Variants in PPFIA2 observed in about 807,000 individuals in gnomAD.
PPFIA2 encodes the protein liprin-alpha-2.
PPFIA2 carries 46 observed loss-of-function variants against 175.5 expected under a neutral mutation model. That is an observed-to-expected ratio of 0.26 (90% confidence interval 0.21 to 0.34). The LOEUF (loss-of-function observed/expected upper bound fraction) is 0.34. PPFIA2 is among the 10% of genes least tolerant of loss of function. The pLI is 1.00. For missense variants in PPFIA2, 1,179 were observed against 1,506.1 expected, an observed-to-expected ratio of 0.78 and a Z score of 3.60; for synonymous variants, 568 against 511.4, an observed-to-expected ratio of 1.11 and a Z score of -1.49.
rs149149703 is a variant in PPFIA2, at chr12:81,324,185, T to G, written c.2642+1592A>C. Among the ~76,000 whole-genome samples, 548 of 152,194 alleles carry G rather than the reference T, an allele frequency of 3.6e-3. 8 individuals are homozygous for G. The highest frequency in any genetic ancestry group is 0.012 in the African/African-American group (519 of 41,574). On this transcript the variant is annotated intron_variant, in intron 22 of 32. Transcript: ENST00000549396. The stretch of plus-strand genomic sequence containing the variant: ...TTTTTCTGACTGTGAGGGTACTTAG[T>G]AGTTGAGAAACGAGTCTATAAAATT...
chr12:81,358,717 C>T (rs1462282923), intron 15 of PPFIA2, among the ~76,000 whole-genome samples: 4 of 151,988 alleles, frequency 2.6e-5, no homozygotes, highest in Non-Finnish European at 5.9e-5. Context: ...GTCTATTTTT[C>T]ACATTCTATT....
intron 22 of PPFIA2, among the ~76,000 whole-genome samples, chr12:81,308,073 T>A (rs1319821455): frequency 6.6e-6 from 1 of 152,204 alleles, no homozygotes; most frequent in East Asian, 1.9e-4. Flanking sequence ...ATACTTTCAC[T>A]TAAAATTTAA....
rs1454212358 is a variant in PPFIA2 at position 81,600,485 on chromosome 12, ATAACTC to A, written c.303+76300_303+76305del. 5.3e-5 allele frequency among the ~76,000 whole-genome samples: 8 copies of A among 151,966 alleles called. No individual in the cohort carries two copies. In the East Asian group the frequency reaches 1.5e-3, roughly 29 times the overall value. On this transcript the variant is annotated intron_variant, in intron 4 of 32. Coordinates refer to ENST00000549396, the MANE Select transcript of PPFIA2 (RefSeq NM_003625.5). Reference sequence around the variant, plus strand: ...GCTGAAACTATTTATTTCCTTAACTATAACTCTAATTATTATTGTGAGTAAACTTGA... The same window carrying A: ...GCTGAAACTATTTATTTCCTTAACTATAATTATTATTGTGAGTAAACTTGA...
rs2034431859 is a variant in PPFIA2 at position 81,258,504 on chromosome 12, T to C, written c.*1190A>G. On this transcript the variant is annotated 3_prime_UTR_variant, in exon 33 of 33. Transcript: ENST00000549396. ...AATAGGCTTTACTTTGAATCTCCCATATAAACAAAGAATAAACAACAGTAA... is the reference window on the plus strand; with the variant it reads ...AATAGGCTTTACTTTGAATCTCCCACATAAACAAAGAATAAACAACAGTAA... The C allele has an allele frequency of 1.3e-5, 2 of 152,182 alleles. No homozygotes were observed. Among genetic ancestry groups the C allele is most frequent in the Non-Finnish European group, 2.9e-5 (2 of 68,024 alleles). 9.4% of individuals were successfully genotyped at this position (152,182 alleles called of 1,614,324 possible). A position where few individuals can be genotyped will look rare whatever the true frequency, so the allele number is the denominator to read the frequency against.
chr12:81,367,998 T>G, intron 13 of PPFIA2: 2 of 719,920 alleles, frequency 2.8e-6, no homozygotes, highest in Non-Finnish European at 4.1e-6. Context: ...ATTTTCCCTA[T>G]TTTGGTTTAT....
At chr12:81,347,475 A>G in intron 18 of PPFIA2, 58 bp downstream of exon 18, 1 of 1,415,510 alleles carries the variant, frequency 7.1e-7, no homozygotes, top group Non-Finnish European at 1.0e-6. Context: ...GTTAAGTTTT[A>G]GCTAAAGCAT....
intron 3 of PPFIA2, among the ~76,000 whole-genome samples, chr12:81,696,901 C>T (rs543075292): frequency 4.1e-4 from 63 of 152,006 alleles, no homozygotes; most frequent in African/African-American, 1.4e-3. Context: ...ACCTTATGCA[C>T]TTGAAAAGAA....
chr12:81,695,923 C>A (rs993712019), intron 3 of PPFIA2, among the ~76,000 whole-genome samples: 5 of 152,070 alleles, frequency 3.3e-5, no homozygotes, highest in African/African-American at 1.2e-4. Flanking sequence ...AGTATCCCCC[C>A]AAAATGAGAC....
intron 4 of PPFIA2, among the ~76,000 whole-genome samples, chr12:81,555,821 T>G (rs2153380554): frequency 6.6e-6 from 1 of 152,060 alleles, no homozygotes; most frequent in South Asian, 2.1e-4. Context: ...AGGTACAGAC[T>G]TGATACATAT....
intron 4 of PPFIA2, among the ~76,000 whole-genome samples, chr12:81,658,059 A>G (rs1232240888): frequency 6.6e-6 from 1 of 152,162 alleles, no homozygotes; most frequent in Non-Finnish European, 1.5e-5. Context: ...ACCTGAGGTC[A>G]GGAGTTTGAG....
chr12:81,729,213 A>C (rs1164674163), intron 3 of PPFIA2, among the ~76,000 whole-genome samples: 1 of 151,566 alleles, frequency 6.6e-6, no homozygotes, highest in African/African-American at 2.4e-5. Context: ...GAATGACTAC[A>C]TTAGCATTTT....
At chr12:81,406,253 A>G (rs546970491) in intron 7 of PPFIA2, among the ~76,000 whole-genome samples, 176 of 152,282 alleles carry the variant, frequency 1.2e-3, no homozygotes, top group Non-Finnish European at 1.5e-3. Context: ...GTAGGATGTA[A>G]TAAAAATGTT....
intron 4 of PPFIA2, among the ~76,000 whole-genome samples, chr12:81,607,549 C>G (rs1021457850): frequency 3.3e-5 from 5 of 151,924 alleles, no homozygotes; most frequent in African/African-American, 2.4e-5. Context: ...ATTTCATTTT[C>G]TTTGTGGCTA....
At chr12:81,440,603 T>G (rs530920172) in intron 6 of PPFIA2, among the ~76,000 whole-genome samples, 1 of 152,156 alleles carries the variant, frequency 6.6e-6, no homozygotes, top group African/African-American at 2.4e-5. Flanking sequence ...GTAAACTACT[T>G]AAGTATCTTG....
chr12:81,370,654 T>C (rs952207374), intron 11 of PPFIA2, among the ~76,000 whole-genome samples: 1 of 151,826 alleles, frequency 6.6e-6, no homozygotes, highest in Admixed American at 6.6e-5. Flanking sequence ...TAAGCTCATG[T>C]TTGCCCAGTG....
At chr12:81,716,528 T>C (rs2078636827) in intron 3 of PPFIA2, among the ~76,000 whole-genome samples, 1 of 150,840 alleles carries the variant, frequency 6.6e-6, no homozygotes, top group Non-Finnish European at 1.5e-5. Flanking sequence ...TTCAACTAGA[T>C]AGTAAAATAC....
At chr12:81,300,097 G>T (rs1485281032) in intron 22 of PPFIA2, among the ~76,000 whole-genome samples, 1 of 152,038 alleles carries the variant, frequency 6.6e-6, no homozygotes, top group East Asian at 1.9e-4. Flanking sequence ...AGATGCAAAA[G>T]AACTCTGAAA....
At chr12:81,345,097 A>G (rs996823928) in intron 18 of PPFIA2, among the ~76,000 whole-genome samples, 6 of 152,254 alleles carry the variant, frequency 3.9e-5, no homozygotes, top group Non-Finnish European at 8.8e-5. Context: ...GAGTTTATAA[A>G]TTCTTGTTTT....
intron 4 of PPFIA2, among the ~76,000 whole-genome samples, chr12:81,555,632 G>A (rs1049640417): frequency 1.6e-4 from 25 of 151,808 alleles, no homozygotes; most frequent in African/African-American, 5.8e-4. Context: ...CACCATTTGG[G>A]ATGACAAAGC....
Sources: gnomAD v4.1 joint callset for allele counts (sites outside exome capture counted in the v4.1 genomes callset) on GRCh38, gnomAD v4.1.1 for gene constraint, MANE v1.5 for transcripts, NCBI Gene and HGNC (gene_info 2026-07-23, HGNC 2026-07-21) for gene names.